The following PALS1 variants were observed in gnomAD, a reference collection of about 807,000 sequenced individuals.
PALS1 encodes protein PALS1.
PALS1 carries 31 observed loss-of-function variants against 78.9 expected under a neutral mutation model. The observed-to-expected ratio is 0.39, with a 90% CI of 0.30 to 0.53. The LOEUF is 0.53. PALS1 is among the 20% of genes least tolerant of loss of function. The pLI is 0.67. For missense variants in PALS1, 704 were observed against 826.5 expected (o/e 0.85, Z 1.82); for synonymous variants, 276 against 270.9 (o/e 1.02, Z -0.18).
intron 2 of PALS1, among the ~76,000 whole-genome samples, chr14:67,274,126 A>G (rs1257942910): frequency 6.6e-6 from 1 of 152,096 alleles, no homozygotes; most frequent in Non-Finnish European, 1.5e-5. Context: ...CTTTGGTTTA[A>G]TTAGATCCCA....
intron 1 of PALS1, among the ~76,000 whole-genome samples, chr14:67,257,095 C>G (rs1298321582): frequency 2.0e-5 from 3 of 151,964 alleles, no homozygotes; most frequent in African/African-American, 7.3e-5. Context: ...CAACTTGAGG[C>G]GGGGGCTTTC....
intron 14 of PALS1, among the ~76,000 whole-genome samples, chr14:67,328,292 G>A (rs1389704771): frequency 6.6e-6 from 1 of 152,298 alleles, no homozygotes; most frequent in Non-Finnish European, 1.5e-5. Flanking sequence ...TTTGAGAAGT[G>A]TCTGTTCATA....
At chr14:67,276,305 C>A (rs1319026807) in intron 2 of PALS1, among the ~76,000 whole-genome samples, 1 of 152,106 alleles carries the variant, frequency 6.6e-6, no homozygotes, top group African/African-American at 2.4e-5. Flanking sequence ...TTATTGTATT[C>A]TATTCTGTTT....
At chr14:67,269,180 A>G (rs996189509) in intron 1 of PALS1, among the ~76,000 whole-genome samples, 5 of 152,142 alleles carry the variant, frequency 3.3e-5, no homozygotes, top group Non-Finnish European at 7.4e-5. Context: ...GGGTTAATCT[A>G]TGTTGTAGCA....
At chr14:67,326,537 G>A (rs2085361513) in intron 14 of PALS1, among the ~76,000 whole-genome samples, 1 of 151,936 alleles carries the variant, frequency 6.6e-6, no homozygotes, top group African/African-American at 2.4e-5. Context: ...GCAAGTTTTG[G>A]AAATGTGTAC....
intron 3 of PALS1, among the ~76,000 whole-genome samples, chr14:67,292,151 C>T (rs2084781655): frequency 6.6e-6 from 1 of 152,050 alleles, no homozygotes; most frequent in Non-Finnish European, 1.5e-5. Flanking sequence ...AAAACATTTA[C>T]AATGTACTGT....
chr14:67,252,179 T>G, intron 1 of PALS1, among the ~76,000 whole-genome samples: 1 of 152,046 alleles, frequency 6.6e-6, no homozygotes, highest in East Asian at 1.9e-4. Flanking sequence ...AGCAAATTAT[T>G]TTTATTTATT....
chr14:67,270,515 T>C (rs1382459688), intron 2 of PALS1: 1 of 151,996 alleles, frequency 6.6e-6, no homozygotes, highest in African/African-American at 2.4e-5. Context: ...CTTCATAAGA[T>C]GGCCTGTTAT....
chr14:67,243,880 C>G (rs118077446), intron 1 of PALS1, among the ~76,000 whole-genome samples: 1,834 of 152,266 alleles, frequency 0.012, 19 homozygotes, highest in Non-Finnish European at 0.018. Context: ...CTAACCTCTT[C>G]ATTTTCCATG....
At chr14:67,283,903 G>A (rs1019220357) in intron 3 of PALS1, among the ~76,000 whole-genome samples, 2 of 152,126 alleles carry the variant, frequency 1.3e-5, no homozygotes, top group Non-Finnish European at 2.9e-5. Context: ...GATTTGCTTC[G>A]TTGTCTTACG....
chr14:67,323,186 A>G (rs1326520203), intron 13 of PALS1, among the ~76,000 whole-genome samples: 1 of 150,748 alleles, frequency 6.6e-6, no homozygotes, highest in Non-Finnish European at 1.5e-5. Flanking sequence ...TATGTATATA[A>G]TATGTATTAT....
At chr14:67,250,133 C>T (rs1441691299) in intron 1 of PALS1, among the ~76,000 whole-genome samples, 2 of 152,094 alleles carry the variant, frequency 1.3e-5, no homozygotes, top group East Asian at 1.9e-4. Context: ...TGTAGATAGA[C>T]GAAAGTAACC....
At position 67,276,083 on chromosome 14, in the gene PALS1, G is replaced by C. The variant is rs527841395; in HGVS notation, c.-153-2935G>C. 2.1e-3 allele frequency among the ~76,000 whole-genome samples: 323 copies of C among 152,174 alleles called. 1 individual carries two copies. The highest frequency in any genetic ancestry group is 3.3e-3 in the Non-Finnish European group (227 of 67,980). Reference sequence around the variant, plus strand: ...CAAAAAATCAGCTCCTGGATTCATTGATTTTTTGAAGGGTTTTTTGTGTCT... The same window carrying C: ...CAAAAAATCAGCTCCTGGATTCATTCATTTTTTGAAGGGTTTTTTGTGTCT... On this transcript the variant is annotated intron_variant, in intron 2 of 14. Transcript: ENST00000261681.
At chr14:67,254,839 A>C (rs2140464113) in intron 1 of PALS1, among the ~76,000 whole-genome samples, 1 of 152,306 alleles carries the variant, frequency 6.6e-6, no homozygotes. Flanking sequence ...GTAAGCTGTA[A>C]ATCACTTGAA....
chr14:67,251,838 G>T (rs1324664613), intron 1 of PALS1, among the ~76,000 whole-genome samples: 1 of 152,192 alleles, frequency 6.6e-6, no homozygotes, highest in Non-Finnish European at 1.5e-5. Context: ...CAGGTTAGGG[G>T]CTGGTTGCCA....
chr14:67,332,833 T>C lies in PALS1; in HGVS notation c.1905T>C (p.Asn635=). ...AGACAAGAGAGATGGAGCAGAACAA[T>C]GGCCACTACTTTGATACGGCAATTG... ...IEKTREMEQN[N]GHYFDTAIVN... is the part of the protein sequence containing the mutation. Residue 635 remains asparagine, a synonymous_variant, in exon 15 of 15, where the codon AAT becomes AAC. Transcript: ENST00000261681. 1 of 1,614,076 alleles carries C rather than the reference T, an allele frequency of 6.2e-7. No individual in the cohort carries two copies. Among genetic ancestry groups the C allele is most frequent in the Non-Finnish European group, 8.5e-7 (1 of 1,179,932 alleles).
At chr14:67,249,773 T>C (rs569679538) in intron 1 of PALS1, among the ~76,000 whole-genome samples, 50 of 152,340 alleles carry the variant, frequency 3.3e-4, no homozygotes, top group African/African-American at 1.2e-3. Flanking sequence ...GGTTTGAGAA[T>C]GTAACTTAAA....
chr14:67,264,135 T>C (rs940107860), intron 1 of PALS1, among the ~76,000 whole-genome samples: 3 of 152,234 alleles, frequency 2.0e-5, no homozygotes, highest in African/African-American at 4.8e-5. Context: ...TGCAACCATA[T>C]GTACAAGAGT....
chr14:67,297,245 A>G (rs1187952612), intron 4 of PALS1, among the ~76,000 whole-genome samples: 1 of 152,244 alleles, frequency 6.6e-6, no homozygotes, highest in African/African-American at 2.4e-5. Flanking sequence ...TGGCAGTACC[A>G]GTCAGTGCAA....
Sources: gnomAD v4.1 joint callset for allele counts (sites outside exome capture counted in the v4.1 genomes callset) on GRCh38, gnomAD v4.1.1 for gene constraint, MANE v1.5 for transcripts, NCBI Gene and HGNC (gene_info 2026-07-23, HGNC 2026-07-21) for gene names.